The following LAMA3 variants were observed in gnomAD, a reference collection of about 807,000 sequenced individuals.
LAMA3 encodes the protein laminin subunit alpha 3.
A neutral mutation model predicts 402.0 loss-of-function variants in LAMA3; 281 were observed. The observed-to-expected ratio is 0.70, with a 90% CI of 0.63 to 0.77. LAMA3 has a LOEUF of 0.77. LAMA3 is among the 30% of genes least tolerant of loss of function. LAMA3 has a pLI of 0.00. For missense variants in LAMA3, 3,840 were observed against 4,215.5 expected (o/e 0.91, Z 2.47); for synonymous variants, 1,431 against 1,558.4 (o/e 0.92, Z 1.93).
chr18:23,900,692 T>C (rs1336197424), intron 47 of LAMA3, among the ~76,000 whole-genome samples: 3 of 152,222 alleles, frequency 2.0e-5, no homozygotes, highest in Non-Finnish European at 2.9e-5. Context: ...CAGTGGTTAA[T>C]ATACAGATAC....
At chr18:23,912,150 T>TC (rs1395690200) in intron 55 of LAMA3, among the ~76,000 whole-genome samples, 116 of 147,698 alleles carry the variant, frequency 7.9e-4, no homozygotes, top group Non-Finnish European at 1.3e-3. Context: ...TTTTTTTTTT[T>TC]TGAGACAAAG....
rs772483940 is a variant in LAMA3, at chr18:23,946,216, C to G, written c.9283C>G (p.Pro3095Ala). 1 of 1,613,912 alleles carries G rather than the reference C, an allele frequency of 6.2e-7. No individual in the cohort carries two copies. The highest frequency in any genetic ancestry group is 8.5e-7 in the Non-Finnish European group (1 of 1,179,970). Residue 3095 changes from proline (P) to alanine (A), a missense_variant, in exon 70 of 75, where the codon CCT becomes GCT. Physicochemically the swap from Pro to Ala is conservative, Grantham distance 27. Around this residue, in one of 3 missense-constraint regions of LAMA3, gnomAD observed 840 missense variants for 981.9 expected, o/e 0.86. Transcript: ENST00000313654. ...ACTGAGGGCCCGGGAGGGAAGTTTGCCTGGAAACTCCACCATCAGCATCAG... is the reference window on the plus strand; with the variant it reads ...ACTGAGGGCCCGGGAGGGAAGTTTGGCTGGAAACTCCACCATCAGCATCAG... Reference protein sequence around the residue: ...DGLRAREGSLPGNSTISIRAP... With the variant: ...DGLRAREGSLAGNSTISIRAP...
intron 64 of LAMA3, among the ~76,000 whole-genome samples, chr18:23,930,701 G>T (rs1370877609): frequency 6.6e-6 from 1 of 152,090 alleles, no homozygotes; most frequent in Non-Finnish European, 1.5e-5. Context: ...TCTAGCCTAT[G>T]CAAGACAGCA....
At chr18:23,911,379 C>T (rs1344220429) in intron 55 of LAMA3, among the ~76,000 whole-genome samples, 2 of 152,022 alleles carry the variant, frequency 1.3e-5, no homozygotes, top group Non-Finnish European at 2.9e-5. Context: ...CTTCTTGGTC[C>T]ACACACCAGG....
At chr18:23,768,096 CA>C (rs1192187596) in intron 8 of LAMA3, among the ~76,000 whole-genome samples, 1 of 150,798 alleles carries the variant, frequency 6.6e-6, no homozygotes, top group Non-Finnish European at 1.5e-5. Context: ...GCTAAGTTCT[CA>C]AAAGCAATTT....
intron 2 of LAMA3, among the ~76,000 whole-genome samples, chr18:23,728,235 T>C (rs1296366011): frequency 6.6e-6 from 1 of 152,182 alleles, no homozygotes; most frequent in Non-Finnish European, 1.5e-5. Flanking sequence ...CACTTACGCC[T>C]GTTCTGTGCC....
intron 67 of LAMA3, among the ~76,000 whole-genome samples, chr18:23,936,057 A>G (rs1308662597): frequency 1.3e-5 from 2 of 152,008 alleles, no homozygotes; most frequent in Non-Finnish European, 2.9e-5. Flanking sequence ...CCTTCTCAAC[A>G]CACCCCTCTG....
intron 25 of LAMA3, among the ~76,000 whole-genome samples, chr18:23,837,749 G>A (rs2063616277): frequency 6.6e-6 from 1 of 151,514 alleles, no homozygotes; most frequent in Non-Finnish European, 1.5e-5. Flanking sequence ...ATATCACAGG[G>A]AATTTAAGAT....
chr18:23,910,831 A>G (rs2081402947), intron 55 of LAMA3, among the ~76,000 whole-genome samples: 1 of 152,248 alleles, frequency 6.6e-6, no homozygotes, highest in Non-Finnish European at 1.5e-5. Flanking sequence ...AAATGTGTAC[A>G]GGTGGACACC....
chr18:23,698,162 A>G (rs2060718493), intron 1 of LAMA3, among the ~76,000 whole-genome samples: 1 of 146,438 alleles, frequency 6.8e-6, no homozygotes, highest in African/African-American at 2.5e-5. Context: ...TGGTGGGGGG[A>G]AATGGAACAC....
At chr18:23,784,214 T>C in intron 12 of LAMA3, 57 bp downstream of exon 12, 1 of 1,591,118 alleles carries the variant, frequency 6.3e-7, no homozygotes, top group South Asian at 1.1e-5. Flanking sequence ...AATTTCCTCC[T>C]GAGGAAATGC....
rs565329586 is a variant in LAMA3, at chr18:23,738,177, T to C, written c.448-9766T>C. Among the ~76,000 whole-genome samples, 29 of 151,462 alleles carry C rather than the reference T, an allele frequency of 1.9e-4. No homozygotes were observed. The East Asian group carries it at 4.5e-3, about 24-fold the overall frequency. On this transcript the variant is annotated intron_variant, in intron 2 of 74. Coordinates refer to ENST00000313654, the MANE Select transcript of LAMA3 (RefSeq NM_198129.4). ...GTGAGTCCCCGCACAGCAGTTGAAG[T>C]GTGGATGTGTGGGGAGAAGAGAGGT...
chr18:23,803,621 G>A (rs2062906734), intron 12 of LAMA3, among the ~76,000 whole-genome samples: 1 of 152,162 alleles, frequency 6.6e-6, no homozygotes, highest in African/African-American at 2.4e-5. Context: ...ATTGGCCACA[G>A]CCCATTAATC....
chr18:23,776,054 G>A (rs2062311160), intron 10 of LAMA3, 131 bp downstream of exon 10: 1 of 916,868 alleles, frequency 1.1e-6, no homozygotes, highest in Admixed American at 1.8e-5. Context: ...TTGTATTTAT[G>A]TAAAAGTGTT....
intron 2 of LAMA3, among the ~76,000 whole-genome samples, chr18:23,731,826 T>A (rs1039640331): frequency 6.6e-6 from 1 of 152,214 alleles, no homozygotes; most frequent in African/African-American, 2.4e-5. Flanking sequence ...ACTACCTGGA[T>A]GATGGGATCT....
intron 2 of LAMA3, among the ~76,000 whole-genome samples, chr18:23,727,378 G>A (rs533850543): frequency 4.6e-5 from 7 of 151,572 alleles, no homozygotes; most frequent in Non-Finnish European, 7.4e-5. Flanking sequence ...CAGGCTGGAG[G>A]GCGGTGGCAT....
At chr18:23,931,820 C>T (rs1013739996) in intron 65 of LAMA3, 16 of 354,776 alleles carry the variant, frequency 4.5e-5, no homozygotes, top group African/African-American at 1.1e-4. Flanking sequence ...TACTCTGTTC[C>T]GTTTCTTTTT....
Position 23,952,967 on chromosome 18 carries a change from C to T in LAMA3, c.9737-23C>T, listed in dbSNP as rs765736086. 63 of 1,613,708 alleles carry T rather than the reference C, an allele frequency of 3.9e-5. 1 individual carries two copies. In the Middle Eastern group the frequency reaches 1.8e-3, roughly 46 times the overall value. ...AGCAGGGCTCACCTCCGATGATAGA[C>T]CTAACCAGCCTCCTTTCCCCAGTCA... On this transcript the variant is annotated intron_variant, in intron 73 of 74. Transcript: ENST00000313654.
chr18:23,813,157 A>G (rs2063107322), intron 14 of LAMA3, 54 bp downstream of exon 14: 2 of 1,214,930 alleles, frequency 1.6e-6, no homozygotes, highest in Admixed American at 1.7e-5. Context: ...ATTCTCATGC[A>G]TATTAAGGAC....
Sources: allele counts gnomAD v4.1 joint callset (sites outside exome capture counted in the v4.1 genomes callset), GRCh38; gene constraint gnomAD v4.1.1; regional missense constraint gnomAD v4.1.1; transcripts MANE v1.5; gene names NCBI Gene and HGNC (gene_info 2026-07-23, HGNC 2026-07-21).